DCC: variants seen among roughly 807,000 people sequenced by gnomAD.
DCC encodes netrin receptor DCC.
A neutral mutation model predicts 172.5 loss-of-function variants in DCC; 58 were observed. The observed-to-expected ratio is 0.34, with a 90% confidence interval of 0.27 to 0.42. The LOEUF is 0.42. Among genes scored for constraint, DCC ranks in the 10% least tolerant of loss-of-function variants. The pLI, the probability that DCC is intolerant of heterozygous loss-of-function variation, is 1.00. For missense variants in DCC, 1,740 were observed against 1,791.0 expected, an observed-to-expected ratio of 0.97 and a Z score of 0.51; for synonymous variants, 709 against 644.5, an observed-to-expected ratio of 1.10 and a Z score of -1.52.
chr18:53,526,990 G>A (rs2046463753), intron 28 of DCC: 1 of 531,174 alleles, frequency 1.9e-6, no homozygotes, highest in South Asian at 2.0e-5. Context: ...TGATTCTTAA[G>A]GACAGTCTTA....
chr18:53,471,088 C>T (rs879203842), intron 25 of DCC, among the ~76,000 whole-genome samples: 4 of 152,180 alleles, frequency 2.6e-5, no homozygotes, highest in Admixed American at 2.6e-4. Context: ...ACCATCATCT[C>T]TTACAGATTA....
intron 12 of DCC, among the ~76,000 whole-genome samples, chr18:53,294,432 A>G (rs756118890): frequency 3.9e-5 from 6 of 152,216 alleles, no homozygotes; most frequent in Non-Finnish European, 8.8e-5. Flanking sequence ...GGGGAGTCAA[A>G]AAGACTGAAG....
At chr18:53,418,101 C>T (rs1283880057) in intron 21 of DCC, among the ~76,000 whole-genome samples, 1 of 152,130 alleles carries the variant, frequency 6.6e-6, no homozygotes. Flanking sequence ...CAGAAGGATT[C>T]TGTCACATAT....
At chr18:52,816,454 C>G (rs748612092) in intron 2 of DCC, among the ~76,000 whole-genome samples, 23 of 152,180 alleles carry the variant, frequency 1.5e-4, no homozygotes, top group Non-Finnish European at 3.1e-4. Context: ...TGGCGGAGCA[C>G]TGAATAGTAC....
chr18:53,201,175 G>A (rs1047820114), intron 9 of DCC, among the ~76,000 whole-genome samples: 1 of 152,032 alleles, frequency 6.6e-6, no homozygotes, highest in African/African-American at 2.4e-5. Context: ...GTTCTGTTTG[G>A]GAAACTAGGG....
intron 1 of DCC, among the ~76,000 whole-genome samples, chr18:52,635,555 T>C (rs1398869587): frequency 6.6e-6 from 1 of 152,146 alleles, no homozygotes; most frequent in African/African-American, 2.4e-5. Context: ...AGAGACTTAA[T>C]ACATTTATCA....
chr18:53,340,139 A>G (rs931459308), intron 15 of DCC, among the ~76,000 whole-genome samples: 1 of 151,988 alleles, frequency 6.6e-6, no homozygotes, highest in Non-Finnish European at 1.5e-5. Flanking sequence ...AATTTGATCT[A>G]GAGAGATCTG....
At chr18:52,439,336 C>T (rs1431582270) in intron 1 of DCC, among the ~76,000 whole-genome samples, 9 of 152,042 alleles carry the variant, frequency 5.9e-5, no homozygotes, top group Non-Finnish European at 1.2e-4. Context: ...ATACTACCCA[C>T]ACTGCAGGAA....
chr18:52,525,111 T>G (rs2031942068), intron 1 of DCC, among the ~76,000 whole-genome samples: 1 of 152,050 alleles, frequency 6.6e-6, no homozygotes, highest in African/African-American at 2.4e-5. Context: ...TTCTCTCGTA[T>G]TTAGGAGGCA....
intron 1 of DCC, among the ~76,000 whole-genome samples, chr18:52,578,495 G>A (rs894601847): frequency 6.6e-6 from 1 of 152,134 alleles, no homozygotes; most frequent in African/African-American, 2.4e-5. Flanking sequence ...TTTGTTGTAT[G>A]TGTGTTATTT....
At chr18:53,163,357 T>C (rs1050147453) in intron 8 of DCC, among the ~76,000 whole-genome samples, 53 of 152,346 alleles carry the variant, frequency 3.5e-4, no homozygotes, top group Admixed American at 1.0e-3. Flanking sequence ...AAAAAGTTGA[T>C]ATTAAAATTT....
intron 1 of DCC, among the ~76,000 whole-genome samples, chr18:52,411,557 T>A (rs1225291872): frequency 2.6e-5 from 4 of 152,188 alleles, no homozygotes; most frequent in African/African-American, 9.6e-5. Context: ...TAGGGTAGGG[T>A]CTGTCTTCTG....
intron 1 of DCC, among the ~76,000 whole-genome samples, chr18:52,587,168 G>C (rs1029317268): frequency 1.3e-5 from 2 of 152,198 alleles, no homozygotes; most frequent in African/African-American, 2.4e-5. Context: ...ATCACCCTGA[G>C]GAATGGTGCT....
chr18:53,295,076 A>G (rs1007702466), intron 12 of DCC, among the ~76,000 whole-genome samples: 2 of 152,182 alleles, frequency 1.3e-5, no homozygotes, highest in Admixed American at 1.3e-4. Context: ...CCCAACGTGT[A>G]CTTAAACATA....
chr18:52,582,844 G>A (rs2033583910), intron 1 of DCC, among the ~76,000 whole-genome samples: 1 of 152,176 alleles, frequency 6.6e-6, no homozygotes, highest in Admixed American at 6.5e-5. Context: ...GGAAAAGAGG[G>A]AAGAGAAGAA....
At chr18:52,716,813 AT>A (rs1201020690) in intron 1 of DCC, among the ~76,000 whole-genome samples, 2 of 152,120 alleles carry the variant, frequency 1.3e-5, no homozygotes, top group Non-Finnish European at 2.9e-5. Flanking sequence ...GCATTCTACT[AT>A]TTCAGTGATA....
At chr18:53,347,980 G>T (rs973034762) in intron 15 of DCC, among the ~76,000 whole-genome samples, 4 of 152,034 alleles carry the variant, frequency 2.6e-5, no homozygotes, top group African/African-American at 9.7e-5. Context: ...TTTGGGTGGG[G>T]ACACAGCGAA....
At chr18:52,818,182 C>T (rs1013857318) in intron 2 of DCC, 1 of 152,072 alleles carries the variant, frequency 6.6e-6, no homozygotes, top group African/African-American at 2.4e-5. Context: ...GTTGGAGACT[C>T]ACCTGGGCAA....
intron 1 of DCC, among the ~76,000 whole-genome samples, chr18:52,355,988 A>T (rs999057716): frequency 6.6e-6 from 1 of 152,158 alleles, no homozygotes; most frequent in African/African-American, 2.4e-5. Flanking sequence ...GTGATACTTC[A>T]CTGCAGAAAG....
Sources: gnomAD v4.1 joint callset for allele counts (sites outside exome capture counted in the v4.1 genomes callset) on GRCh38, gnomAD v4.1.1 for gene constraint, MANE v1.5 for transcripts, NCBI Gene and HGNC (gene_info 2026-07-23, HGNC 2026-07-21) for gene names.